Variants in ARHGEF28 observed in about 807,000 individuals in gnomAD.
ARHGEF28 encodes the protein Rho guanine nucleotide exchange factor 28, also known as 190 kDa guanine nucleotide exchange factor.
ARHGEF28 carries 152 observed loss-of-function variants against 206.6 expected under a neutral mutation model. The ratio of observed to expected loss-of-function variants is 0.74; its 90% CI spans 0.64 to 0.84. The LOEUF is 0.84. Among genes scored for constraint, ARHGEF28 ranks in the 40% least tolerant of loss-of-function variants. The probability of loss-of-function intolerance (pLI) is 0.00; values close to 1 mark genes in which losing one functional copy is unlikely to be tolerated. For synonymous variants in ARHGEF28, 763 were observed against 776.4 expected, an observed-to-expected ratio of 0.98 and a Z score of 0.29; for missense variants, 2,028 against 2,073.2, an observed-to-expected ratio of 0.98 and a Z score of 0.42.
intron 35 of ARHGEF28, among the ~76,000 whole-genome samples, chr5:73,916,078 G>C (rs1036207164): frequency 6.6e-6 from 1 of 151,934 alleles, no homozygotes; most frequent in Non-Finnish European, 1.5e-5. Flanking sequence ...TTTTTTAAAA[G>C]ACAGCTGTGT....
At chr5:73,785,020 A>G (rs1754075015) in intron 7 of ARHGEF28, among the ~76,000 whole-genome samples, 1 of 152,224 alleles carries the variant, frequency 6.6e-6, no homozygotes, top group African/African-American at 2.4e-5. Context: ...CCTGGTGGGA[A>G]GGAGTGAGAT....
intron 29 of ARHGEF28, 33 bp downstream of exon 29, chr5:73,894,608 C>A (rs183979108): frequency 1.2e-6 from 2 of 1,602,770 alleles, no homozygotes; most frequent in Non-Finnish European, 1.7e-6. Context: ...TGGGTCGACA[C>A]GTTCAGAAAA....
intron 11 of ARHGEF28, among the ~76,000 whole-genome samples, chr5:73,844,068 C>T (rs1400616297): frequency 6.6e-6 from 1 of 152,126 alleles, no homozygotes; most frequent in East Asian, 1.9e-4. Flanking sequence ...TATCGTAAAA[C>T]AAGAACCTAG....
chr5:73,902,885 C>T (rs970526765), intron 31 of ARHGEF28: 5 of 152,114 alleles, frequency 3.3e-5, no homozygotes, highest in Non-Finnish European at 7.3e-5. Context: ...AAACTCTGTG[C>T]CATATGGTCT....
At chr5:73,849,195 T>A in intron 13 of ARHGEF28, 108 bp downstream of exon 13, 1 of 821,298 alleles carries the variant, frequency 1.2e-6, no homozygotes, top group Non-Finnish European at 1.9e-6. Flanking sequence ...GAATTTTCCA[T>A]TCTGTTTTCA....
intron 4 of ARHGEF28, among the ~76,000 whole-genome samples, chr5:73,771,243 T>A (rs1318737363): frequency 6.6e-6 from 1 of 152,150 alleles, no homozygotes; most frequent in Non-Finnish European, 1.5e-5. Context: ...AGGAGATATG[T>A]CTTAGAAATT....
intron 7 of ARHGEF28, among the ~76,000 whole-genome samples, chr5:73,792,182 T>C (rs925092796): frequency 8.5e-5 from 13 of 152,216 alleles, no homozygotes; most frequent in Non-Finnish European, 1.2e-4. Context: ...TACATTTAAG[T>C]TATTTTTTAA....
intron 2 of ARHGEF28, among the ~76,000 whole-genome samples, chr5:73,691,585 C>T (rs10942685): frequency 0.38 from 57,903 of 151,968 alleles, 12,943 homozygotes; most frequent in East Asian, 0.67. Context: ...AACTTTCAAG[C>T]GATTCTGCTG....
intron 26 of ARHGEF28, among the ~76,000 whole-genome samples, chr5:73,890,738 A>G (rs2112682465): frequency 6.6e-6 from 1 of 152,324 alleles, no homozygotes; most frequent in South Asian, 2.1e-4. Flanking sequence ...CATGTTCTGG[A>G]TAAAGGCGTC....
rs116874093 is a variant in ARHGEF28 at position 73,728,636 on chromosome 5, C to T, written c.34-21201C>T. ...CAGCCACAGAGAGATGTTGTGGCAC[C>T]CTGTACTAAATACACGGTACTGAAT... On this transcript the variant is annotated intron_variant, in intron 2 of 35. Transcript: ENST00000513042. 2.0e-5 allele frequency among the ~76,000 whole-genome samples: 3 copies of T among 152,212 alleles called. No homozygotes were observed. The East Asian group carries it at 5.8e-4, about 29-fold the overall frequency.
intron 2 of ARHGEF28, among the ~76,000 whole-genome samples, chr5:73,723,228 C>T (rs1281285052): frequency 6.6e-6 from 1 of 151,970 alleles, no homozygotes; most frequent in African/African-American, 2.4e-5. Flanking sequence ...CTTGCTCTGT[C>T]GCCAGGCTGG....
At chr5:73,792,034 C>A (rs1451194400) in intron 7 of ARHGEF28, among the ~76,000 whole-genome samples, 1 of 152,078 alleles carries the variant, frequency 6.6e-6, no homozygotes, top group Non-Finnish European at 1.5e-5. Context: ...TTAATTAATC[C>A]ATTAGAATGA....
At chr5:73,675,876 TTTTCTAACTATGTAGTCTTATGC>T (rs1746639459) in intron 1 of ARHGEF28, among the ~76,000 whole-genome samples, 1 of 110,730 alleles carries the variant, frequency 9.0e-6, no homozygotes, top group African/African-American at 2.9e-5. Flanking sequence ...TCTTATGCAA[TTTTCTAACTATGTAGTCTTATGC>T]AAATTATATT....
At chr5:73,633,123 A>T (rs12652599) in intron 1 of ARHGEF28, among the ~76,000 whole-genome samples, 1 of 152,072 alleles carries the variant, frequency 6.6e-6, no homozygotes, top group Non-Finnish European at 1.5e-5. Flanking sequence ...TCCTATGAGA[A>T]TCTAATGTTG....
At chr5:73,882,716 G>C in intron 23 of ARHGEF28, 122 bp downstream of exon 23, 1 of 967,350 alleles carries the variant, frequency 1.0e-6, no homozygotes, top group Non-Finnish European at 1.5e-6. Flanking sequence ...AAGAAGAAGG[G>C]AGGTGGAATG....
At chr5:73,708,622 G>C (rs1749075266) in intron 2 of ARHGEF28, among the ~76,000 whole-genome samples, 1 of 152,082 alleles carries the variant, frequency 6.6e-6, no homozygotes, top group African/African-American at 2.4e-5. Flanking sequence ...ATGGACATCT[G>C]GGTTGATTTC....
At chr5:73,751,286 T>C (rs574055094) in intron 3 of ARHGEF28, among the ~76,000 whole-genome samples, 24 of 152,306 alleles carry the variant, frequency 1.6e-4, no homozygotes, top group African/African-American at 5.8e-4. Context: ...GGCCGGTGCC[T>C]TTAGTCCCAG....
chr5:73,924,675 C>T (rs1763703969), intron 35 of ARHGEF28, among the ~76,000 whole-genome samples: 1 of 152,166 alleles, frequency 6.6e-6, no homozygotes, highest in Admixed American at 6.6e-5. Context: ...AATTATTCCA[C>T]AGTTTGGATG....
intron 1 of ARHGEF28, among the ~76,000 whole-genome samples, chr5:73,670,312 G>T (rs186721941): frequency 1.3e-5 from 2 of 152,088 alleles, no homozygotes; most frequent in East Asian, 3.8e-4. Flanking sequence ...CCATGTTCTC[G>T]TATGTATCAA....
Sources: gnomAD v4.1 joint callset for allele counts (sites outside exome capture counted in the v4.1 genomes callset) on GRCh38, gnomAD v4.1.1 for gene constraint, MANE v1.5 for transcripts, NCBI Gene and HGNC (gene_info 2026-07-23, HGNC 2026-07-21) for gene names.